PTCH2: variants seen among roughly 807,000 people sequenced by gnomAD.
The protein encoded by PTCH2 is protein patched homolog 2.
In PTCH2, 96 loss-of-function variants were observed where a neutral mutation model predicts 117.9. That is an observed-to-expected ratio of 0.81 (90% CI 0.69 to 0.96). PTCH2 has a LOEUF of 0.96. Ranked by LOEUF, PTCH2 falls within the 50% of genes least tolerant of loss-of-function variation. The pLI is 0.00. For synonymous variants in PTCH2, 615 were observed against 660.9 expected (o/e 0.93, Z 1.06); for missense variants, 1,379 against 1,562.5 (o/e 0.88, Z 1.98).
At chr1:44,830,708 G>T in intron 6 of PTCH2, 140 bp downstream of exon 6, 2 of 778,378 alleles carry the variant, frequency 2.6e-6, no homozygotes, top group Non-Finnish European at 3.8e-6. Context: ...TGGGGGCCTG[G>T]CACTGTGGGA....
rs753966930 is a variant in PTCH2 at position 44,827,436 on chromosome 1, G to A, written c.2337C>T (p.Arg779=). Residue 779 remains arginine (R), a synonymous_variant, in exon 15 of 22, where the codon CGC becomes CGT. Transcript: ENST00000372192. The stretch of plus-strand genomic sequence containing the variant: ...AGTTGCGGTAATAGTGCAGCCAGGT[G>A]CGGGGTGCCTGGGTGGCCGGTGGGG... ...VLPPPATQAP[R]TWLHYYRNWL... 1.9e-6 allele frequency: 3 copies of A among 1,614,094 alleles called. No homozygotes were observed. Among genetic ancestry groups the A allele is most frequent in the South Asian group, 2.2e-5 (2 of 91,086 alleles).
intron 2 of PTCH2, among the ~76,000 whole-genome samples, chr1:44,833,473 A>G (rs1280324114): frequency 2.3e-5 from 3 of 133,100 alleles, no homozygotes; most frequent in African/African-American, 8.7e-5. Flanking sequence ...GTCTTGCTCT[A>G]TTGCCCAGGC....
At chr1:44,825,844 CTTT>C (rs35549385) in intron 19 of PTCH2, among the ~76,000 whole-genome samples, 15 of 118,398 alleles carry the variant, frequency 1.3e-4, no homozygotes, top group African/African-American at 3.2e-4. Context: ...AGCCCAAATT[CTTT>C]TTTTTTTTTT....
chr1:44,835,185 T>C (rs6429549), intron 2 of PTCH2, among the ~76,000 whole-genome samples: 30,767 of 152,054 alleles, frequency 0.2, 3,315 homozygotes, highest in East Asian at 0.28. Context: ...TCCTCTCAAG[T>C]AGCTGGAACT....
intron 2 of PTCH2, among the ~76,000 whole-genome samples, chr1:44,835,622 T>A (rs1260795707): frequency 6.6e-6 from 1 of 152,188 alleles, no homozygotes; most frequent in Non-Finnish European, 1.5e-5. Context: ...TCCAGAAGTT[T>A]CACGTGTAAA....
At position 44,829,640 on chromosome 1, in the gene PTCH2, G is replaced by A; in HGVS notation, c.1057C>T (p.Gln353Ter). 1.2e-6 allele frequency: 2 copies of A among 1,614,220 alleles called. No individual in the cohort carries two copies. Among genetic ancestry groups the A allele is most frequent in the South Asian group, 1.1e-5 (1 of 91,092 alleles). The change falls in exon 8 of 22, where the codon CAA becomes TAA. Residue 353 changes from glutamine (Q) to a stop codon, truncating the protein, a stop_gained. Transcript: ENST00000372192. LOFTEE classifies it high-confidence loss of function. ...WSEEQASTVL[Q>*]AWQRRFVQLA... is the part of the protein sequence containing the mutation. Reference sequence around the variant, plus strand: ...TGCACAAAGCGCCGCTGCCAGGCTTGTAGCACTGTGCTGGCCTGCTCCTCA... The same window carrying A: ...TGCACAAAGCGCCGCTGCCAGGCTTATAGCACTGTGCTGGCCTGCTCCTCA...
At position 44,827,947 on chromosome 1, in the gene PTCH2, TCTC is replaced by T. The variant is rs1244061489; in HGVS notation, c.1951_1953del (p.Glu651del). ...GACTTGCAGGCTGCCTTCTGCCTTG[TCTC>T]CTCCTCCTGGCCTAGAAGGTCCCGT... is the stretch of plus-strand genomic sequence containing the variant. On this transcript the variant is annotated inframe_deletion, in exon 14 of 22. Coordinates refer to ENST00000372192, the MANE Select transcript of PTCH2 (RefSeq NM_003738.5). The T allele has an allele frequency of 3.1e-6, 5 of 1,614,142 alleles. No individual in the cohort carries two copies. In the African/African-American group the frequency reaches 5.3e-5, roughly 17 times the overall value.
chr1:44,832,077 A>G, intron 3 of PTCH2, 33 bp from the exon 4 acceptor site: 1 of 1,612,270 alleles, frequency 6.2e-7, no homozygotes, highest in Non-Finnish European at 8.5e-7. Context: ...AGATCAGCAG[A>G]AGAAGGGGAT....
intron 19 of PTCH2, among the ~76,000 whole-genome samples, chr1:44,825,323 A>G (rs1653093199): frequency 6.6e-6 from 1 of 151,348 alleles, no homozygotes; most frequent in Non-Finnish European, 1.5e-5. Flanking sequence ...TTTTTAGTAG[A>G]GATGGGGTTT....
rs1447954735 is a variant in PTCH2 at position 44,823,895 on chromosome 1, A to G, written c.3115-510T>C. ...GGAGGTTGCAGTGAACCGAGATTGC[A>G]CTGCTACACTCCAGCCTGGGCGACA... On this transcript the variant is annotated intron_variant, in intron 19 of 21. Coordinates refer to ENST00000372192, the MANE Select transcript of PTCH2 (RefSeq NM_003738.5). The surrounding 1 kb of genome is among the most constrained non-coding windows in gnomAD (Gnocchi z 5.1). 1.3e-5 allele frequency among the ~76,000 whole-genome samples: 2 copies of G among 151,664 alleles called. No individual in the cohort carries two copies. Among genetic ancestry groups the G allele is most frequent in the Admixed American group, 6.6e-5 (1 of 15,222 alleles).
chr1:44,824,331 A>G (rs1653046918), intron 19 of PTCH2, among the ~76,000 whole-genome samples: 1 of 152,124 alleles, frequency 6.6e-6, no homozygotes. Context: ...GGTGGGGGGA[A>G]AGGAAGGGAG....
At position 44,826,243 on chromosome 1, in the gene PTCH2, T is replaced by A. The variant is rs377379786; in HGVS notation, c.3114+7A>T. On this transcript the variant is annotated splice_region_variant and intron_variant, in intron 19 of 21. Transcript: ENST00000372192. The surrounding 1 kb of genome is among the most constrained non-coding windows in gnomAD (Gnocchi z 5.1). The stretch of plus-strand genomic sequence containing the variant: ...GATTGGTCCCTCCCCGGGGTGCCCG[T>A]GCTCACCAGAGCCACGTGGACTGTG... 4.5e-5 allele frequency: 72 copies of A among 1,613,754 alleles called. No individual in the cohort carries two copies. The highest frequency in any genetic ancestry group is 5.8e-5 in the Non-Finnish European group (69 of 1,179,978).
chr1:44,830,530 G>T (rs1453792805), intron 6 of PTCH2, among the ~76,000 whole-genome samples: 12 of 141,430 alleles, frequency 8.5e-5, no homozygotes. Flanking sequence ...TTGAGCCGAG[G>T]TTGCAGTGAG....
At position 44,826,386 on chromosome 1, in the gene PTCH2, A is replaced by G. The variant is rs752074155; in HGVS notation, c.2978T>C (p.Val993Ala). Residue 993 changes from valine (V) to alanine (A), a missense_variant and splice_region_variant, in exon 19 of 22, where the codon GTG becomes GCG. By Grantham distance (64) the Val-to-Ala change is moderately conservative. Transcript: ENST00000372192. This position sits in a 1 kb window ranked among gnomAD's most constrained non-coding sequence, Gnocchi z 5.1. ...LLNPWTAGLIVLVLAMMTVEL... is the reference protein window; with the variant it reads ...LLNPWTAGLIALVLAMMTVEL... ...CACTGTCATCATCGCCAGGACCAGC[A>G]CCTGAGGGAGACAGGGCTCACAGAG... 2.5e-6 allele frequency: 4 copies of G among 1,613,962 alleles called. No individual in the cohort carries two copies. The highest frequency in any genetic ancestry group is 3.4e-6 in the Non-Finnish European group (4 of 1,180,034).
intron 2 of PTCH2, among the ~76,000 whole-genome samples, chr1:44,838,822 C>A (rs1385636548): frequency 6.6e-6 from 1 of 151,884 alleles, no homozygotes; most frequent in Non-Finnish European, 1.5e-5. Flanking sequence ...TGGGCTCAAG[C>A]GATTCTCCTG....
intron 2 of PTCH2, among the ~76,000 whole-genome samples, chr1:44,836,572 G>A (rs769924621): frequency 2.6e-5 from 4 of 152,136 alleles, no homozygotes; most frequent in Admixed American, 6.6e-5. Context: ...GCCAGGCGTG[G>A]TGCGCACCTG....
chr1:44,827,440 G>A lies in PTCH2; in HGVS notation c.2333C>T (p.Pro778Leu), dbSNP rs771891075. 1 of 1,614,130 alleles carries A rather than the reference G, an allele frequency of 6.2e-7. No homozygotes were observed. The highest frequency in any genetic ancestry group is 1.1e-5 in the South Asian group (1 of 91,092). Residue 778 changes from proline (P) to leucine (L), a missense_variant, in exon 15 of 22, where the codon CCC becomes CTC. Physicochemically the swap from Pro to Leu is moderately conservative, Grantham distance 98. Transcript: ENST00000372192. The part of the protein sequence containing the change: ...AVLPPPATQA[P>L]RTWLHYYRNW... ...GCGGTAATAGTGCAGCCAGGTGCGG[G>A]GTGCCTGGGTGGCCGGTGGGGGCAG...
chr1:44,843,069 CTG>C lies in PTCH2; in HGVS notation c.-139_-138del. ...CGCCAAGGCGCGGGCGTGGGAGAGA[CTG>C]TGGGGTGTGGGTGTTAAAGCGGCTG... On this transcript the variant is annotated 5_prime_UTR_variant, in exon 1 of 22. Transcript: ENST00000372192. The C allele has an allele frequency of 7.0e-7, 1 of 1,419,548 alleles. No individual in the cohort carries two copies. The highest frequency in any genetic ancestry group is 1.5e-5 in the South Asian group (1 of 65,014). 87.9% of individuals were successfully genotyped at this position (1,419,548 alleles called of 1,614,324 possible). A position where few individuals can be genotyped will look rare whatever the true frequency, so the allele number is the denominator to read the frequency against.
rs753316945 is a variant in PTCH2, at chr1:44,841,913, C to T, written c.199G>A (p.Gly67Arg). 1.2e-6 allele frequency: 2 copies of T among 1,614,216 alleles called. No individual in the cohort carries two copies. Among genetic ancestry groups the T allele is most frequent in the South Asian group, 1.1e-5 (1 of 91,086 alleles). ...KVLFLGLLAF[G>R]ALALGLRMAI... ...ATGCGGAGACCTAATGCCAGGGCCCCAAAGGCCAACAGTCCCAGAAAGAGC... is the reference window on the plus strand; with the variant it reads ...ATGCGGAGACCTAATGCCAGGGCCCTAAAGGCCAACAGTCCCAGAAAGAGC... The change falls in exon 2 of 22, where the codon GGG becomes AGG. Residue 67 changes from glycine (G) to arginine (R), a missense_variant. Transcript: ENST00000372192.
Sources: gnomAD v4.1 joint callset for allele counts (sites outside exome capture counted in the v4.1 genomes callset) on GRCh38, gnomAD v4.1.1 for gene constraint, Gnocchi (gnomAD v3.1) non-coding constraint, MANE v1.5 for transcripts, NCBI Gene and HGNC (gene_info 2026-07-23, HGNC 2026-07-21) for gene names.